The following SYCP2 variants were observed in gnomAD, a reference collection of about 807,000 sequenced individuals.
The protein encoded by SYCP2 is synaptonemal complex protein 2.
In SYCP2, 55 loss-of-function variants were observed where a neutral mutation model predicts 211.3. That is an observed-to-expected ratio of 0.26 (90% CI 0.21 to 0.33). The LOEUF (loss-of-function observed/expected upper bound fraction) is 0.33. SYCP2 is among the 10% of genes least tolerant of loss of function. The probability of loss-of-function intolerance (pLI) is 1.00; values close to 1 mark genes in which losing one functional copy is unlikely to be tolerated. For missense variants in SYCP2, 1,731 were observed against 1,752.0 expected (o/e 0.99, Z 0.21); for synonymous variants, 570 against 555.2 (o/e 1.03, Z -0.37).
chr20:59,888,659 G>C (rs1471527287), intron 24 of SYCP2, among the ~76,000 whole-genome samples: 1 of 151,786 alleles, frequency 6.6e-6, no homozygotes, highest in East Asian at 1.9e-4. Flanking sequence ...AATGCAATAA[G>C]ACAGAAAAAG....
intron 4 of SYCP2, 90 bp from the exon 5 acceptor site, chr20:59,920,577 T>A: frequency 4.8e-6 from 5 of 1,032,418 alleles, no homozygotes; most frequent in Non-Finnish European, 4.3e-6. Context: ...TATATTTTAA[T>A]CTTCACAAAT....
chr20:59,902,003 T>C (rs955795891), intron 15 of SYCP2, among the ~76,000 whole-genome samples, 193 bp from the exon 16 acceptor site: 1 of 152,122 alleles, frequency 6.6e-6, no homozygotes, highest in African/African-American at 2.4e-5. Context: ...TTTCCTAGTC[T>C]CAGTGTTCTT....
At chr20:59,910,242 A>G (rs2060290241) in intron 14 of SYCP2, among the ~76,000 whole-genome samples, 1 of 152,078 alleles carries the variant, frequency 6.6e-6, no homozygotes, top group African/African-American at 2.4e-5. Context: ...AAGAGAGAGG[A>G]TTCTAAATAT....
At position 59,866,587 on chromosome 20, in the gene SYCP2, G is replaced by T. The variant is rs1225617837; in HGVS notation, c.4128C>A (p.Ile1376=). 1.6e-5 allele frequency: 26 copies of T among 1,585,708 alleles called. No homozygotes were observed. The highest frequency in any genetic ancestry group is 2.2e-5 in the Non-Finnish European group (26 of 1,167,518). ...TAAAATAACTCAACATTTTATGTCG[G>T]ATCTGAAAAATACTCATTTTTAAGT... ...LNSEFKRRNN[I]RHKMLSYFTT... is the part of the protein sequence containing the mutation. The change falls in exon 40 of 45, where the codon ATC becomes ATA. Residue 1376 remains isoleucine, a splice_region_variant and synonymous_variant. Coordinates refer to ENST00000357552, the MANE Select transcript of SYCP2 (RefSeq NM_014258.4).
chr20:59,897,452 C>T (rs1449007665), intron 18 of SYCP2, among the ~76,000 whole-genome samples: 1 of 152,160 alleles, frequency 6.6e-6, no homozygotes, highest in Admixed American at 6.6e-5. Flanking sequence ...TTATTGAAAA[C>T]AGAGCACAGG....
intron 18 of SYCP2, 128 bp from the exon 19 acceptor site, chr20:59,896,656 A>C (rs961765211): frequency 1.3e-5 from 7 of 559,778 alleles, no homozygotes; most frequent in Non-Finnish European, 1.9e-5. Context: ...AAACAACACA[A>C]TATTCATAAA....
intron 14 of SYCP2, among the ~76,000 whole-genome samples, chr20:59,909,920 T>C (rs186524898): frequency 7.9e-5 from 12 of 152,316 alleles, no homozygotes; most frequent in African/African-American, 2.6e-4. Context: ...AAGGCAACAT[T>C]TGTGCTTAAA....
chr20:59,870,838 CTAAAT>C (rs1167562494), intron 35 of SYCP2, among the ~76,000 whole-genome samples: 1 of 151,744 alleles, frequency 6.6e-6, no homozygotes, highest in Non-Finnish European at 1.5e-5. Flanking sequence ...CAGCCTATGA[CTAAAT>C]TAAGACTATT....
In SYCP2 at chr20:59,866,323, CTG is replaced by C; in HGVS notation, c.4288_4289del (p.Gln1430ValfsTer40). 2 of 1,594,070 alleles carry C rather than the reference CTG, an allele frequency of 1.3e-6. No homozygotes were observed. Among genetic ancestry groups the C allele is most frequent in the Non-Finnish European group, 1.7e-6 (2 of 1,172,414 alleles). ...EELENFEKDS[Q>X]SLKDLEKEFV... ...ATTCCTTTTCCAAATCTTTTAAAGACTGTGAATCTTTTTCAAAATTCTCCAGC... is the reference window on the plus strand; with the variant it reads ...ATTCCTTTTCCAAATCTTTTAAAGACTGAATCTTTTTCAAAATTCTCCAGC... On this transcript the variant is annotated frameshift_variant, in exon 41 of 45. Coordinates refer to ENST00000357552, the MANE Select transcript of SYCP2 (RefSeq NM_014258.4). LOFTEE classifies it high-confidence loss of function.
intron 34 of SYCP2, among the ~76,000 whole-genome samples, chr20:59,874,840 A>G (rs2059522687): frequency 6.6e-6 from 1 of 152,038 alleles, no homozygotes; most frequent in Non-Finnish European, 1.5e-5. Context: ...TCAACTGTAT[A>G]CGGTATTAAT....
chr20:59,893,436 T>C lies in SYCP2; in HGVS notation c.1735+88A>G, dbSNP rs577221239. Reference sequence around the variant, plus strand: ...TCTTTGTAAATCTTTTTCAAATCAATGAAAGCCAGTGGGGTTAAATGGTAA... The same window carrying C: ...TCTTTGTAAATCTTTTTCAAATCAACGAAAGCCAGTGGGGTTAAATGGTAA... On this transcript the variant is annotated intron_variant, in intron 21 of 44. Transcript: ENST00000357552. The C allele has an allele frequency of 1.4e-4, 126 of 885,472 alleles. 1 individual carries two copies. In the South Asian group the frequency reaches 2.1e-3, roughly 15 times the overall value. 54.9% of individuals were successfully genotyped at this position (885,472 alleles called of 1,614,324 possible). A position where few individuals can be genotyped will look rare whatever the true frequency, so the allele number is the denominator to read the frequency against.
chr20:59,881,358 TAAA>T, intron 29 of SYCP2, 76 bp downstream of exon 29: 1 of 777,422 alleles, frequency 1.3e-6, no homozygotes, highest in Non-Finnish European at 2.1e-6. Flanking sequence ...TCTCATTTGT[TAAA>T]AAACTCTAAG....
intron 2 of SYCP2, among the ~76,000 whole-genome samples, chr20:59,924,578 C>CCA (rs1006325919): frequency 6.6e-6 from 1 of 151,878 alleles, no homozygotes; most frequent in Non-Finnish European, 1.5e-5. Context: ...CTTACATACT[C>CCA]CATTGACACC....
chr20:59,919,264 T>C (rs1176516361), intron 6 of SYCP2, 82 bp from the exon 7 acceptor site: 4 of 768,232 alleles, frequency 5.2e-6, no homozygotes, highest in Non-Finnish European at 8.6e-6. Flanking sequence ...TTACAAATGG[T>C]ATTGAAATGA....
intron 10 of SYCP2, 113 bp downstream of exon 10, chr20:59,915,049 CATA>C (rs113919868): frequency 1.8e-5 from 13 of 716,388 alleles, no homozygotes; most frequent in East Asian, 5.2e-5. Flanking sequence ...CTTAATTGTA[CATA>C]ATGTTTATAA....
intron 12 of SYCP2, among the ~76,000 whole-genome samples, 172 bp from the exon 13 acceptor site, chr20:59,912,590 T>A (rs1259006967): frequency 2.6e-5 from 4 of 152,196 alleles, no homozygotes; most frequent in African/African-American, 9.7e-5. Context: ...TTAGTGGACA[T>A]TTATGTAGAG....
At chr20:59,871,110 G>T (rs140256494) in intron 35 of SYCP2, among the ~76,000 whole-genome samples, 1 of 151,590 alleles carries the variant, frequency 6.6e-6, no homozygotes, top group Non-Finnish European at 1.5e-5. Flanking sequence ...TATATACAAC[G>T]AATAAAGAAT....
chr20:59,886,670 T>C, intron 25 of SYCP2, 37 bp downstream of exon 25: 1 of 1,469,742 alleles, frequency 6.8e-7, no homozygotes. Flanking sequence ...GTTGTATCTG[T>C]CAGAAAAATA....
Position 59,914,015 on chromosome 20 carries a change from A to G in SYCP2, c.790T>C (p.Phe264Leu). ...DSEFETDCRI[F>L]LNLVNGMLGD... ...AGCATGCCATTTACAAGGTTGAGAA[A>G]TATCCTGCAATCCTAATTTTAAAGA... The change falls in exon 12 of 45, where the codon TTT becomes CTT. Residue 264 changes from phenylalanine (F) to leucine (L), a missense_variant. By Grantham distance (22) the Phe-to-Leu change is conservative (BLOSUM62 0). Transcript: ENST00000357552. 1 of 1,597,914 alleles carries G rather than the reference A, an allele frequency of 6.3e-7. No homozygotes were observed. The highest frequency in any genetic ancestry group is 8.5e-7 in the Non-Finnish European group (1 of 1,172,638).
Sources: allele counts gnomAD v4.1 joint callset (sites outside exome capture counted in the v4.1 genomes callset), GRCh38; gene constraint gnomAD v4.1.1; transcripts MANE v1.5; gene names NCBI Gene and HGNC (gene_info 2026-07-23, HGNC 2026-07-21).